NAV3: variants seen among roughly 807,000 people sequenced by gnomAD.
The protein encoded by NAV3 is pore membrane and/or filament interacting like protein 1.
In NAV3, 87 loss-of-function variants were observed where a neutral mutation model predicts 244.7. The ratio of observed to expected loss-of-function variants is 0.36; its 90% CI spans 0.30 to 0.42. The LOEUF (loss-of-function observed/expected upper bound fraction) is 0.42, where lower values mean the gene tolerates loss of function less well. NAV3 is among the 20% of genes least tolerant of loss of function. The pLI, the probability that NAV3 is intolerant of heterozygous loss-of-function variation, is 1.00. For missense variants in NAV3, 2,663 were observed against 2,893.3 expected, an observed-to-expected ratio of 0.92 and a Z score of 1.83; for synonymous variants, 1,126 against 1,042.2, an observed-to-expected ratio of 1.08 and a Z score of -1.55.
At chr12:77,595,572 A>G (rs1460726599) in intron 2 of NAV3, among the ~76,000 whole-genome samples, 1 of 152,164 alleles carries the variant, frequency 6.6e-6, no homozygotes, top group Non-Finnish European at 1.5e-5. Flanking sequence ...GAGAAGATGG[A>G]TATATTAATT....
chr12:77,673,168 C>T (rs1442298033), intron 2 of NAV3, among the ~76,000 whole-genome samples: 2 of 152,026 alleles, frequency 1.3e-5, no homozygotes, highest in Non-Finnish European at 2.9e-5. Flanking sequence ...AAATATCAGC[C>T]TTTTTTGCTC....
At chr12:77,674,877 G>C (rs1294626040) in intron 2 of NAV3, among the ~76,000 whole-genome samples, 1 of 152,214 alleles carries the variant, frequency 6.6e-6, no homozygotes, top group Non-Finnish European at 1.5e-5. Context: ...AAAGAAAGTT[G>C]AGTGCCAAAC....
chr12:77,904,374 C>G (rs1885702747), intron 1 of NAV3, among the ~76,000 whole-genome samples: 1 of 152,100 alleles, frequency 6.6e-6, no homozygotes, highest in Non-Finnish European at 1.5e-5. Context: ...AACCATCATT[C>G]TCAGCAAACT....
At chr12:77,928,367 G>A (rs993544452) in intron 1 of NAV3, among the ~76,000 whole-genome samples, 13 of 152,000 alleles carry the variant, frequency 8.6e-5, no homozygotes, top group Non-Finnish European at 1.6e-4. Context: ...TCACAATGAT[G>A]ATCTGGACAC....
chr12:78,024,935 A>G (rs986633738), intron 9 of NAV3, among the ~76,000 whole-genome samples: 5 of 151,736 alleles, frequency 3.3e-5, no homozygotes, highest in Non-Finnish European at 7.4e-5. Context: ...AGATAGCGCC[A>G]CTGCACTCCA....
intron 9 of NAV3, among the ~76,000 whole-genome samples, chr12:78,049,559 G>T (rs1035828336): frequency 2.6e-5 from 4 of 152,164 alleles, no homozygotes; most frequent in African/African-American, 9.7e-5. Flanking sequence ...ATCAGTCACT[G>T]TGAGATGAGC....
intron 8 of NAV3, 100 bp from the exon 9 acceptor site, chr12:78,021,647 A>T (rs929443620): frequency 1.3e-6 from 1 of 772,248 alleles, no homozygotes; most frequent in Admixed American, 2.3e-5. Context: ...ACTTACCTTG[A>T]TGGAAAATTT....
At chr12:77,867,534 C>T (rs1592833117) in intron 1 of NAV3, among the ~76,000 whole-genome samples, 1 of 152,254 alleles carries the variant, frequency 6.6e-6, no homozygotes, top group Admixed American at 6.5e-5. Flanking sequence ...ATTCTCCTGC[C>T]TCAGCCTCCC....
At chr12:77,900,639 C>T (rs146840246) in intron 1 of NAV3, among the ~76,000 whole-genome samples, 56 of 152,050 alleles carry the variant, frequency 3.7e-4, no homozygotes, top group African/African-American at 1.3e-3. Context: ...TAAGTTGATT[C>T]CATGTCTGTT....
chr12:77,987,602 A>G (rs758676799), intron 5 of NAV3, among the ~76,000 whole-genome samples: 3 of 152,160 alleles, frequency 2.0e-5, no homozygotes, highest in Non-Finnish European at 4.4e-5. Flanking sequence ...AATGTCAATC[A>G]ATTGTTTAGT....
At chr12:77,853,072 T>C (rs1482636573) in intron 1 of NAV3, among the ~76,000 whole-genome samples, 1 of 152,172 alleles carries the variant, frequency 6.6e-6, no homozygotes, top group Non-Finnish European at 1.5e-5. Context: ...ATTTCTAAAG[T>C]GGTTGTACCA....
At chr12:78,188,069 T>A (rs1027394111) in intron 31 of NAV3, among the ~76,000 whole-genome samples, 179 bp from the exon 32 acceptor site, 3 of 151,958 alleles carry the variant, frequency 2.0e-5, no homozygotes, top group African/African-American at 4.8e-5. Flanking sequence ...GTTGGTTAGT[T>A]GGCTGAAATA....
chr12:77,822,706 A>T (rs1415064512), intron 2 of NAV3, among the ~76,000 whole-genome samples: 3 of 152,248 alleles, frequency 2.0e-5, no homozygotes, highest in Non-Finnish European at 4.4e-5. Context: ...TTATTATTTA[A>T]ATTTCCTCAT....
At chr12:77,972,206 G>A (rs1286519782) in intron 5 of NAV3, among the ~76,000 whole-genome samples, 1 of 152,142 alleles carries the variant, frequency 6.6e-6, no homozygotes, top group African/African-American at 2.4e-5. Flanking sequence ...GCACAAGTGT[G>A]CATGCATGTG....
At chr12:78,008,311 T>G (rs1874604091) in intron 8 of NAV3, among the ~76,000 whole-genome samples, 1 of 152,178 alleles carries the variant, frequency 6.6e-6, no homozygotes, top group Admixed American at 6.5e-5. Flanking sequence ...AATTTTTAAA[T>G]GCATTATTAT....
At chr12:77,744,680 G>A (rs915428494) in intron 2 of NAV3, among the ~76,000 whole-genome samples, 2 of 151,656 alleles carry the variant, frequency 1.3e-5, no homozygotes, top group Non-Finnish European at 2.9e-5. Context: ...TTTTGCAACC[G>A]AATTTTAAGG....
At chr12:77,893,628 G>A (rs904785363) in intron 1 of NAV3, among the ~76,000 whole-genome samples, 4 of 151,426 alleles carry the variant, frequency 2.6e-5, no homozygotes, top group Admixed American at 6.6e-5. Context: ...GTAATTGTAC[G>A]CCAGCTTATT....
intron 2 of NAV3, among the ~76,000 whole-genome samples, chr12:77,623,021 GA>G (rs1297262038): frequency 6.6e-6 from 1 of 152,108 alleles, no homozygotes; most frequent in Non-Finnish European, 1.5e-5. Context: ...TGTCACATTA[GA>G]AAGTGATGGA....
chr12:77,843,506 T>C (rs935477036), intron 1 of NAV3, among the ~76,000 whole-genome samples: 2 of 151,794 alleles, frequency 1.3e-5, no homozygotes, highest in African/African-American at 4.8e-5. Flanking sequence ...CTGGGGTTCT[T>C]TGAATATTAA....
Sources: gnomAD v4.1 joint callset for allele counts (sites outside exome capture counted in the v4.1 genomes callset) on GRCh38, gnomAD v4.1.1 for gene constraint, MANE v1.5 for transcripts, NCBI Gene and HGNC (gene_info 2026-07-23, HGNC 2026-07-21) for gene names.